HS3ST5: variants seen among roughly 807,000 people sequenced by gnomAD.
The protein encoded by HS3ST5 is heparan sulfate-glucosamine 3-sulfotransferase 5, also known as heparan sulfate glucosamine 3-O-sulfotransferase 5.
Under a neutral mutation model 25.4 loss-of-function variants are expected in HS3ST5, and 10 were observed. That is an observed-to-expected ratio of 0.39 (90% CI 0.24 to 0.67). The LOEUF is 0.67. Among genes scored for constraint, HS3ST5 ranks in the 30% least tolerant of loss-of-function variants. HS3ST5 has a pLI of 0.44. For missense variants in HS3ST5, 324 were observed against 420.7 expected (o/e 0.77, Z 2.01); for synonymous variants, 170 against 162.4 (o/e 1.05, Z -0.36).
At chr6:114,328,682 T>C (rs1379715187) in intron 1 of HS3ST5, among the ~76,000 whole-genome samples, 1 of 152,190 alleles carries the variant, frequency 6.6e-6, no homozygotes, top group African/African-American at 2.4e-5. Flanking sequence ...ACGCTAAACA[T>C]GTAATAATAC....
At chr6:114,314,260 G>A (rs567703229) in intron 1 of HS3ST5, among the ~76,000 whole-genome samples, 2 of 152,274 alleles carry the variant, frequency 1.3e-5, no homozygotes, top group South Asian at 4.1e-4. Flanking sequence ...TAGGTCTGGA[G>A]TGATGTCTCA....
chr6:114,263,899 T>C (rs1773287464), intron 1 of HS3ST5, among the ~76,000 whole-genome samples: 1 of 151,896 alleles, frequency 6.6e-6, no homozygotes, highest in African/African-American at 2.4e-5. Flanking sequence ...TTTTTTTTTA[T>C]AATTAAGGGA....
chr6:114,284,815 C>T, intron 1 of HS3ST5, among the ~76,000 whole-genome samples: 1 of 151,668 alleles, frequency 6.6e-6, no homozygotes, highest in East Asian at 1.9e-4. Flanking sequence ...ACATATAGAT[C>T]AGAGTAGAAC....
chr6:114,194,569 A>G (rs1249091742), intron 2 of HS3ST5, among the ~76,000 whole-genome samples: 1 of 152,204 alleles, frequency 6.6e-6, no homozygotes, highest in Non-Finnish European at 1.5e-5. Flanking sequence ...ACAGCCAACC[A>G]GCATTTCTTC....
chr6:114,140,884 T>C (rs150587900), intron 3 of HS3ST5, among the ~76,000 whole-genome samples: 2 of 152,350 alleles, frequency 1.3e-5, no homozygotes, highest in African/African-American at 4.8e-5. Context: ...GCAAGTTATT[T>C]TATTTCTTTC....
At chr6:114,276,423 C>T (rs192077169) in intron 1 of HS3ST5, among the ~76,000 whole-genome samples, 84 of 151,864 alleles carry the variant, frequency 5.5e-4, no homozygotes, top group African/African-American at 2.0e-3. Flanking sequence ...ATATTGGCAT[C>T]GTAAGTGAAT....
At chr6:114,089,926 C>A (rs1377438877) in intron 3 of HS3ST5, among the ~76,000 whole-genome samples, 1 of 152,124 alleles carries the variant, frequency 6.6e-6, no homozygotes, top group East Asian at 1.9e-4. Context: ...TAACAATAAT[C>A]GGAATAATTG....
At chr6:114,138,308 G>A (rs542802223) in intron 3 of HS3ST5, among the ~76,000 whole-genome samples, 15 of 152,130 alleles carry the variant, frequency 9.9e-5, no homozygotes, top group Admixed American at 7.2e-4. Flanking sequence ...TTCACAAAAC[G>A]GCTTTTGGAT....
intron 3 of HS3ST5, among the ~76,000 whole-genome samples, chr6:114,136,346 C>T (rs1424735623): frequency 6.6e-6 from 1 of 152,136 alleles, no homozygotes; most frequent in Non-Finnish European, 1.5e-5. Context: ...GAGCAGTTCC[C>T]CTGCACACAC....
chr6:114,213,632 C>T (rs1781617254), intron 2 of HS3ST5, among the ~76,000 whole-genome samples: 1 of 152,076 alleles, frequency 6.6e-6, no homozygotes, highest in Non-Finnish European at 1.5e-5. Flanking sequence ...TCCTGTATAC[C>T]TGTCCCCAGG....
intron 1 of HS3ST5, among the ~76,000 whole-genome samples, chr6:114,254,331 G>A (rs1444927281): frequency 2.6e-5 from 4 of 152,232 alleles, no homozygotes; most frequent in Admixed American, 6.5e-5. Context: ...AATAGCTGGG[G>A]CTATGGAAAA....
chr6:114,215,400 C>A (rs190108699), intron 2 of HS3ST5, among the ~76,000 whole-genome samples: 1 of 152,228 alleles, frequency 6.6e-6, no homozygotes, highest in African/African-American at 2.4e-5. Context: ...CTGGCTGGTT[C>A]CATTTCTGGT....
At chr6:114,244,935 C>T (rs768017845) in intron 1 of HS3ST5, among the ~76,000 whole-genome samples, 81 of 152,180 alleles carry the variant, frequency 5.3e-4, no homozygotes, top group Admixed American at 1.4e-3. Flanking sequence ...ACAATCAAAA[C>T]AGTATTTGAT....
At chr6:114,070,863 G>A (rs1459289234) in intron 3 of HS3ST5, among the ~76,000 whole-genome samples, 1 of 152,184 alleles carries the variant, frequency 6.6e-6, no homozygotes, top group Admixed American at 6.5e-5. Context: ...CCTTAGTTCA[G>A]GCCACTGTGT....
intron 1 of HS3ST5, among the ~76,000 whole-genome samples, chr6:114,244,472 T>C (rs1392071688): frequency 6.6e-6 from 1 of 152,190 alleles, no homozygotes; most frequent in Non-Finnish European, 1.5e-5. Flanking sequence ...TTTCATAGGT[T>C]CTTCTCAGGA....
rs746034783 is a variant in HS3ST5, at chr6:114,201,637, C to T, written c.-145+26948G>A. Among the ~76,000 whole-genome samples, 78 of 152,282 alleles carry T rather than the reference C, an allele frequency of 5.1e-4. 1 individual carries two copies. Among genetic ancestry groups the T allele is most frequent in the Non-Finnish European group, 2.8e-4 (19 of 68,022 alleles). ...GTTCTTCAAGACTTTGCCTAAACGT[C>T]AGCTTCTCAATGAGGCTGTATTGGT... is the stretch of plus-strand genomic sequence containing the variant. On this transcript the variant is annotated intron_variant, in intron 2 of 4. Transcript: ENST00000312719.
At chr6:114,110,789 C>A (rs1012364355) in intron 3 of HS3ST5, among the ~76,000 whole-genome samples, 7 of 152,106 alleles carry the variant, frequency 4.6e-5, no homozygotes, top group Non-Finnish European at 8.8e-5. Context: ...TTAAAAACTG[C>A]AACTTGTTTT....
chr6:114,264,082 T>G (rs1357168368), intron 1 of HS3ST5, among the ~76,000 whole-genome samples: 1 of 152,198 alleles, frequency 6.6e-6, no homozygotes, highest in Non-Finnish European at 1.5e-5. Flanking sequence ...GATTGTAATA[T>G]GAATATTATT....
chr6:114,317,496 C>T (rs1775788420), intron 1 of HS3ST5, among the ~76,000 whole-genome samples: 1 of 152,072 alleles, frequency 6.6e-6, no homozygotes, highest in Non-Finnish European at 1.5e-5. Context: ...ACTCTTTCTT[C>T]TGGGTTTGGA....
Sources: allele counts gnomAD v4.1 joint callset (sites outside exome capture counted in the v4.1 genomes callset), GRCh38; gene constraint gnomAD v4.1.1; transcripts MANE v1.5; gene names NCBI Gene and HGNC (gene_info 2026-07-23, HGNC 2026-07-21).